PRKDC: variants seen among roughly 807,000 people sequenced by gnomAD.
PRKDC encodes the protein protein kinase, DNA-activated, catalytic subunit.
PRKDC carries 82 observed loss-of-function variants against 486.9 expected under a neutral mutation model. That is an observed-to-expected ratio of 0.17 (90% CI 0.14 to 0.20). PRKDC has a LOEUF of 0.20. Ranked by LOEUF, PRKDC falls within the 10% of genes least tolerant of loss-of-function variation. The pLI is 1.00. For missense variants in PRKDC, 4,504 were observed against 5,038.2 expected (o/e 0.89, Z 3.21); for synonymous variants, 1,895 against 1,837.0 (o/e 1.03, Z -0.81).
Position 47,828,150 on chromosome 8 carries a change from A to C in PRKDC, c.8577+18T>G. 1 of 1,602,684 alleles carries C rather than the reference A, an allele frequency of 6.2e-7. No homozygotes were observed. Among genetic ancestry groups the C allele is most frequent in the Non-Finnish European group, 8.5e-7 (1 of 1,172,232 alleles). On this transcript the variant is annotated intron_variant, in intron 62 of 85. Coordinates refer to ENST00000314191, the MANE Select transcript of PRKDC (RefSeq NM_006904.7). ...ACAGCAAACAATGTATATTTGATGA[A>C]GTGTGTGCAGACTTTACCTGAATAC...
intron 16 of PRKDC, among the ~76,000 whole-genome samples, chr8:47,931,510 T>A (rs114882045): frequency 0.01 from 1,578 of 152,034 alleles, 27 homozygotes; most frequent in African/African-American, 0.037. Flanking sequence ...TTTTTTTTTT[T>A]AATAAAATTA....
At chr8:47,808,738 A>T (rs1479810305) in intron 68 of PRKDC, among the ~76,000 whole-genome samples, 1 of 152,210 alleles carries the variant, frequency 6.6e-6, no homozygotes, top group Admixed American at 6.5e-5. Context: ...GGGCCCTAAT[A>T]TACAAAGCTC....
At chr8:47,919,926 T>C (rs373944720) in intron 21 of PRKDC, among the ~76,000 whole-genome samples, 9 of 152,062 alleles carry the variant, frequency 5.9e-5, no homozygotes, top group Non-Finnish European at 8.8e-5. Flanking sequence ...GTGGGTTTAT[T>C]AGAATGAGGG....
intron 21 of PRKDC, among the ~76,000 whole-genome samples, chr8:47,921,977 T>G (rs1173794565): frequency 1.3e-5 from 2 of 152,044 alleles, no homozygotes; most frequent in African/African-American, 2.4e-5. Context: ...GCCAGGGTTT[T>G]GCCATGTTGG....
chr8:47,947,779 G>A (rs1025919902), intron 7 of PRKDC, among the ~76,000 whole-genome samples: 11 of 152,026 alleles, frequency 7.2e-5, no homozygotes, highest in Non-Finnish European at 1.5e-4. Context: ...ATGGCATTGC[G>A]CACCTATAAT....
intron 25 of PRKDC, among the ~76,000 whole-genome samples, chr8:47,910,337 T>C (rs186708746): frequency 2.0e-5 from 3 of 152,344 alleles, no homozygotes; most frequent in South Asian, 2.1e-4. Context: ...TCCCCTTTAA[T>C]AGTTTTCCTT....
At chr8:47,814,841 C>A (rs2087409340) in intron 68 of PRKDC, among the ~76,000 whole-genome samples, 1 of 152,084 alleles carries the variant, frequency 6.6e-6, no homozygotes. Flanking sequence ...AATAGAAATG[C>A]AGATCAACTA....
In PRKDC at chr8:47,826,601, G is replaced by A. The variant is rs1310611361; in HGVS notation, c.8783+55C>T. 2.0e-5 allele frequency: 31 copies of A among 1,520,458 alleles called. No homozygotes were observed. The South Asian group carries it at 3.0e-4, about 15-fold the overall frequency. 94.2% of individuals were successfully genotyped at this position (1,520,458 alleles called of 1,614,324 possible). On this transcript the variant is annotated intron_variant, in intron 63 of 85. Coordinates refer to ENST00000314191, the MANE Select transcript of PRKDC (RefSeq NM_006904.7). ...TGCCAAATGAAGCCAAGTGTTTTCC[G>A]TATTGCTTTGGTCAAATCCAGTGTG...
chr8:47,872,035 G>A (rs1476038827), intron 40 of PRKDC, among the ~76,000 whole-genome samples: 1 of 152,092 alleles, frequency 6.6e-6, no homozygotes, highest in African/African-American at 2.4e-5. Context: ...ATTTTGAGTA[G>A]AAAGACTAAA....
At chr8:47,809,044 A>G (rs2087272551) in intron 68 of PRKDC, among the ~76,000 whole-genome samples, 1 of 151,102 alleles carries the variant, frequency 6.6e-6, no homozygotes, top group East Asian at 1.9e-4. Flanking sequence ...GAAAGAAAGG[A>G]AAGAAGAAAA....
At chr8:47,803,541 C>A in intron 69 of PRKDC, 61 bp from the exon 70 acceptor site, 1 of 1,526,994 alleles carries the variant, frequency 6.5e-7, no homozygotes, top group Non-Finnish European at 9.1e-7. Context: ...ACAGAAGTTT[C>A]TAATTGGCCT....
chr8:47,840,678 T>G (rs1254981300), intron 54 of PRKDC, among the ~76,000 whole-genome samples: 1 of 152,234 alleles, frequency 6.6e-6, no homozygotes, highest in East Asian at 1.9e-4. Context: ...TGGCATGGTG[T>G]ATAGTGAAGT....
chr8:47,833,916 C>G (rs1321059520), intron 59 of PRKDC, among the ~76,000 whole-genome samples: 1 of 152,212 alleles, frequency 6.6e-6, no homozygotes, highest in Non-Finnish European at 1.5e-5. Context: ...AATTCCACCT[C>G]TTGTTACAAT....
chr8:47,918,277 T>C lies in PRKDC; in HGVS notation c.2526A>G (p.Ser842=). ...KHLKKTKNLS[S]NEAISLEEIR... Reference sequence around the variant, plus strand: ...ACAGAAAATACAAAGGACTTCTTACTGATGAAAGGTTCTTTGTCTTCTTCA... The same window carrying C: ...ACAGAAAATACAAAGGACTTCTTACCGATGAAAGGTTCTTTGTCTTCTTCA... Residue 842 remains serine, a splice_region_variant and synonymous_variant, in exon 22 of 86, where the codon TCA becomes TCG. Transcript: ENST00000314191. The C allele has an allele frequency of 6.4e-7, 1 of 1,564,928 alleles. No homozygotes were observed. The highest frequency in any genetic ancestry group is 8.7e-7 in the Non-Finnish European group (1 of 1,150,820).
intron 70 of PRKDC, among the ~76,000 whole-genome samples, 175 bp from the exon 71 acceptor site, chr8:47,801,161 T>C (rs923413047): frequency 3.9e-5 from 6 of 152,214 alleles, no homozygotes; most frequent in Non-Finnish European, 5.9e-5. Context: ...AACCCCTGCC[T>C]ACCAGGCTCA....
chr8:47,921,968 C>A (rs2090079080), intron 21 of PRKDC, among the ~76,000 whole-genome samples: 1 of 151,830 alleles, frequency 6.6e-6, no homozygotes, highest in Non-Finnish European at 1.5e-5. Context: ...TTTAGTAGAG[C>A]CAGGGTTTTG....
At chr8:47,790,202 A>G (rs938632128) in intron 74 of PRKDC, among the ~76,000 whole-genome samples, 1 of 152,256 alleles carries the variant, frequency 6.6e-6, no homozygotes, top group African/African-American at 2.4e-5. Flanking sequence ...TGATAAATTC[A>G]GTAAAGCTGC....
At position 47,876,705 on chromosome 8, in the gene PRKDC, A is replaced by G. The variant is rs114476398; in HGVS notation, c.5363+1019T>C. On this transcript the variant is annotated intron_variant, in intron 40 of 85. Transcript: ENST00000314191. ...CAATCAGATATGTCCTATCCTTCCC[A>G]CTGTATTTTTGCTAAAATACTAAAT... Among the ~76,000 whole-genome samples the G allele has an allele frequency of 2.3e-3, 348 of 152,138 alleles. 2 individuals carry two copies. The highest frequency in any genetic ancestry group is 8.2e-3 in the African/African-American group (340 of 41,512).
chr8:47,848,032 G>A (rs1356889120), intron 54 of PRKDC, among the ~76,000 whole-genome samples: 1 of 152,172 alleles, frequency 6.6e-6, no homozygotes, highest in Non-Finnish European at 1.5e-5. Flanking sequence ...CTTATACATG[G>A]TTGGTGGGAA....
Sources: gnomAD v4.1 joint callset for allele counts (sites outside exome capture counted in the v4.1 genomes callset) on GRCh38, gnomAD v4.1.1 for gene constraint, MANE v1.5 for transcripts, NCBI Gene and HGNC (gene_info 2026-07-23, HGNC 2026-07-21) for gene names.